The following CASZ1 variants were observed in gnomAD, a reference collection of about 807,000 sequenced individuals.
CASZ1 encodes zinc finger protein castor homolog 1.
In CASZ1, 28 loss-of-function variants were observed where a neutral mutation model predicts 135.2. The ratio of observed to expected loss-of-function variants is 0.21; its 90% CI spans 0.15 to 0.28. CASZ1 has a LOEUF of 0.28. Among genes scored for constraint, CASZ1 ranks in the 10% least tolerant of loss-of-function variants. The pLI, the probability that CASZ1 is intolerant of heterozygous loss-of-function variation, is 1.00. For missense variants in CASZ1, 2,161 were observed against 2,453.3 expected (o/e 0.88, Z 2.52); for synonymous variants, 1,068 against 1,073.4 (o/e 0.99, Z 0.10).
intron 2 of CASZ1, among the ~76,000 whole-genome samples, chr1:10,728,305 C>T (rs914290050): frequency 6.6e-6 from 1 of 152,230 alleles, no homozygotes; most frequent in Non-Finnish European, 1.5e-5. Flanking sequence ...ATGGGACCAC[C>T]CTCCCGCCCC....
intron 4 of CASZ1, among the ~76,000 whole-genome samples, chr1:10,667,618 C>A (rs1643275361): frequency 6.6e-6 from 1 of 152,198 alleles, no homozygotes; most frequent in Non-Finnish European, 1.5e-5. Context: ...CTCACCTGGT[C>A]CCCTCATCCC....
intron 2 of CASZ1, among the ~76,000 whole-genome samples, chr1:10,748,356 A>T (rs181882788): frequency 1.1e-3 from 165 of 152,274 alleles, no homozygotes; most frequent in African/African-American, 3.9e-3. Flanking sequence ...TCTCAAACAG[A>T]CGTTAGCGAC....
In CASZ1 at chr1:10,646,032, G is replaced by T; in HGVS notation, c.3696+96C>A. On this transcript the variant is annotated intron_variant, in intron 17 of 20. Coordinates refer to ENST00000377022, the MANE Select transcript of CASZ1 (RefSeq NM_001079843.3). The surrounding 1 kb of genome is among the most constrained non-coding windows in gnomAD (Gnocchi z 6.4). ...TTAAATAAGCAAGGTGTGAGAAATGGAGCCTCTGCCAGGAGGTGACTGTCC... is the reference window on the plus strand; with the variant it reads ...TTAAATAAGCAAGGTGTGAGAAATGTAGCCTCTGCCAGGAGGTGACTGTCC... The T allele has an allele frequency of 8.5e-7, 1 of 1,183,210 alleles. No individual in the cohort carries two copies. The highest frequency in any genetic ancestry group is 1.2e-6 in the Non-Finnish European group (1 of 807,812). 73.3% of individuals were successfully genotyped at this position (1,183,210 alleles called of 1,614,324 possible).
chr1:10,667,106 G>C (rs1643260040), intron 4 of CASZ1, among the ~76,000 whole-genome samples: 1 of 152,220 alleles, frequency 6.6e-6, no homozygotes, highest in African/African-American at 2.4e-5. Flanking sequence ...CACATGCCAG[G>C]AAACCCGATG....
chr1:10,789,621 A>G (rs187931031), intron 1 of CASZ1, among the ~76,000 whole-genome samples: 42 of 151,778 alleles, frequency 2.8e-4, no homozygotes, highest in African/African-American at 9.0e-4. Context: ...TCCACCAAAG[A>G]CACATAGGAC....
chr1:10,791,501 C>A (rs992984770), intron 1 of CASZ1, among the ~76,000 whole-genome samples: 4 of 152,170 alleles, frequency 2.6e-5, no homozygotes, highest in Non-Finnish European at 5.9e-5. Context: ...GGTTCCTCCC[C>A]CCGTCATGCT....
intron 1 of CASZ1, among the ~76,000 whole-genome samples, chr1:10,786,035 C>T (rs931684519): frequency 6.6e-6 from 1 of 152,228 alleles, no homozygotes; most frequent in African/African-American, 2.4e-5. Flanking sequence ...TCCCACGCGC[C>T]GCTCCCTCTG....
rs1305163648 is a variant in CASZ1 at position 10,657,680 on chromosome 1, G to A, written c.1409+828C>T. Among the ~76,000 whole-genome samples, 2 of 151,904 alleles carry A rather than the reference G, an allele frequency of 1.3e-5. No individual in the cohort carries two copies. Among genetic ancestry groups the A allele is most frequent in the Non-Finnish European group, 2.9e-5 (2 of 67,974 alleles). ...CAGAGACAGAGCAGGACAGGGGATC[G>A]GAGACAGAGTGGGACGTGGAGGCGG... On this transcript the variant is annotated intron_variant, in intron 7 of 20. Coordinates refer to ENST00000377022, the MANE Select transcript of CASZ1 (RefSeq NM_001079843.3). The surrounding 1 kb of genome is among the most constrained non-coding windows in gnomAD (Gnocchi z 5.7).
At chr1:10,643,425 G>A (rs1570397938) in intron 18 of CASZ1, 114 bp from the exon 19 acceptor site, 4 of 1,161,964 alleles carry the variant, frequency 3.4e-6, no homozygotes, top group Non-Finnish European at 4.8e-6. Flanking sequence ...AAGGCAGATG[G>A]TATCTGGGGA....
intron 13 of CASZ1, chr1:10,650,166 G>A (rs1203533038): frequency 6.6e-6 from 1 of 152,248 alleles, no homozygotes; most frequent in Non-Finnish European, 1.5e-5. Flanking sequence ...TAATCTTGCT[G>A]TAGTCAAATG....
intron 1 of CASZ1, among the ~76,000 whole-genome samples, chr1:10,761,880 G>A (rs953220933): frequency 6.6e-6 from 1 of 152,184 alleles, no homozygotes; most frequent in African/African-American, 2.4e-5. Context: ...CACCCTGCCT[G>A]CGGAGCTGGC....
intron 1 of CASZ1, among the ~76,000 whole-genome samples, chr1:10,791,440 G>GA (rs1386378339): frequency 6.6e-6 from 1 of 152,216 alleles, no homozygotes; most frequent in African/African-American, 2.4e-5. Context: ...AAATACAGGA[G>GA]AAATACTTAT....
chr1:10,732,478 AC>A (rs1465321127), intron 2 of CASZ1, among the ~76,000 whole-genome samples: 4 of 152,148 alleles, frequency 2.6e-5, no homozygotes, highest in Non-Finnish European at 4.4e-5. Context: ...ACGTGGTGGA[AC>A]GCAGTGGAGT....
At chr1:10,786,006 A>G (rs1396765450) in intron 1 of CASZ1, among the ~76,000 whole-genome samples, 1 of 152,232 alleles carries the variant, frequency 6.6e-6, no homozygotes, top group Non-Finnish European at 1.5e-5. Context: ...ATTCGCCTTC[A>G]GCTCAGCCTG....
intron 1 of CASZ1, among the ~76,000 whole-genome samples, chr1:10,779,279 A>AT (rs386366223): frequency 0.021 from 2,613 of 125,216 alleles, 44 homozygotes; most frequent in African/African-American, 0.05. Flanking sequence ...TAATTTTATA[A>AT]TTTTTTTTTT....
Position 10,646,133 on chromosome 1 carries a change from T to G in CASZ1, c.3691A>C (p.Asn1231His). 6.2e-7 allele frequency: 1 copy of G among 1,614,044 alleles called. No individual in the cohort carries two copies. ...AYYSLQCLCP[N>H]QHCEFRMRGH... ...CCGTGTACCGCCATGCTGACCTGGT[T>G]GGGACAGAGACACTGCAGAGAGTAG... Residue 1231 changes from asparagine (N) to histidine (H), a missense_variant, in exon 17 of 21, where the codon AAC (asparagine) becomes CAC (histidine). Physicochemically the swap from Asn to His is moderately conservative, Grantham distance 68. Around this residue, in one of 7 missense-constraint regions of CASZ1, gnomAD observed 349 missense variants for 460.8 expected, o/e 0.76. Transcript: ENST00000377022. The surrounding 1 kb of genome is among the most constrained non-coding windows in gnomAD (Gnocchi z 6.4).
chr1:10,680,350 C>T (rs1265380788), intron 4 of CASZ1, among the ~76,000 whole-genome samples: 1 of 152,082 alleles, frequency 6.6e-6, no homozygotes, highest in Non-Finnish European at 1.5e-5. Context: ...CTTGGACCCC[C>T]AGGGCCTGTC....
chr1:10,781,629 C>T (rs997119051), intron 1 of CASZ1, among the ~76,000 whole-genome samples: 1 of 152,220 alleles, frequency 6.6e-6, no homozygotes, highest in Non-Finnish European at 1.5e-5. Flanking sequence ...GACGCTTCAG[C>T]CTGGCCTTGG....
At chr1:10,722,538 C>T (rs1241367551) in intron 2 of CASZ1, among the ~76,000 whole-genome samples, 1 of 152,276 alleles carries the variant, frequency 6.6e-6, no homozygotes, top group Non-Finnish European at 1.5e-5. Flanking sequence ...CTTCTATCTT[C>T]CTATCACCTT....
Sources: gnomAD v4.1 joint callset for allele counts (sites outside exome capture counted in the v4.1 genomes callset) on GRCh38, gnomAD v4.1.1 for gene constraint, gnomAD v4.1.1 regional missense constraint, Gnocchi (gnomAD v3.1) non-coding constraint, MANE v1.5 for transcripts, NCBI Gene and HGNC (gene_info 2026-07-23, HGNC 2026-07-21) for gene names.